The following NSF variants were observed in gnomAD, a reference collection of about 807,000 sequenced individuals.
The protein encoded by NSF is vesicle-fusing ATPase.
A neutral mutation model predicts 50.3 loss-of-function variants in NSF; 14 were observed. The ratio of observed to expected loss-of-function variants is 0.28; its 90% confidence interval spans 0.18 to 0.44. The LOEUF (loss-of-function observed/expected upper bound fraction) is 0.44. NSF is among the 20% of genes least tolerant of loss of function. The pLI is 1.00. For synonymous variants in NSF, 109 were observed against 175.7 expected (o/e 0.62, Z 3.00); for missense variants, 218 against 504.3 (o/e 0.43, Z 5.44).
chr17:46,728,426 T>C (rs1254771698), intron 16 of NSF, among the ~76,000 whole-genome samples: 1 of 151,998 alleles, frequency 6.6e-6, no homozygotes, highest in Non-Finnish European at 1.5e-5. Context: ...AGAAAAAACA[T>C]CTACATGAAC....
At chr17:46,667,546 A>G (rs2058346559) in intron 8 of NSF, among the ~76,000 whole-genome samples, 1 of 143,670 alleles carries the variant, frequency 7.0e-6, no homozygotes, top group South Asian at 2.1e-4. Flanking sequence ...AGTTTAAAGA[A>G]AACAAATGTT....
At chr17:46,748,594 A>T (rs1017602278) in intron 17 of NSF, among the ~76,000 whole-genome samples, 1 of 152,198 alleles carries the variant, frequency 6.6e-6, no homozygotes, top group Non-Finnish European at 1.5e-5. Context: ...GAAGGCTGGG[A>T]TACAGGGAAT....
Position 46,739,315 on chromosome 17 carries a change from G to A in NSF, c.1908+10381G>A, listed in dbSNP as rs958501798. On this transcript the variant is annotated intron_variant, in intron 17 of 20. Coordinates refer to ENST00000398238, the MANE Select transcript of NSF (RefSeq NM_006178.4). Reference sequence around the variant, plus strand: ...GAACCCAGGAGGTGGAGGTTGCAGCGAGCCGAGATCGCGCCACTGCACTCC... The same window carrying A: ...GAACCCAGGAGGTGGAGGTTGCAGCAAGCCGAGATCGCGCCACTGCACTCC... 6.2e-5 allele frequency among the ~76,000 whole-genome samples: 9 copies of A among 144,368 alleles called. No homozygotes were observed. The East Asian group carries it at 8.2e-4, about 13-fold the overall frequency. 94.7% of individuals were successfully genotyped at this position (144,368 alleles called of 152,430 possible). A position where few individuals can be genotyped will look rare whatever the true frequency, so the allele number is the denominator to read the frequency against.
chr17:46,595,346 A>T (rs2146090585), intron 1 of NSF, among the ~76,000 whole-genome samples: 1 of 67,006 alleles, frequency 1.5e-5, no homozygotes, highest in South Asian at 7.1e-4. Flanking sequence ...CAATACTTTT[A>T]TTTGTGCATA....
At chr17:46,732,892 G>T (rs2058964175) in intron 17 of NSF, among the ~76,000 whole-genome samples, 1 of 152,190 alleles carries the variant, frequency 6.6e-6, no homozygotes, top group African/African-American at 2.4e-5. Flanking sequence ...AGCTAAGAAA[G>T]CTCCCAGCCT....
intron 19 of NSF, among the ~76,000 whole-genome samples, chr17:46,752,860 G>A (rs2059195063): frequency 6.6e-6 from 1 of 152,014 alleles, no homozygotes; most frequent in Non-Finnish European, 1.5e-5. Context: ...TCCACCTCCC[G>A]GGTTCAAGGG....
At chr17:46,722,455 G>A (rs746648595) in intron 15 of NSF, among the ~76,000 whole-genome samples, 5 of 152,060 alleles carry the variant, frequency 3.3e-5, no homozygotes, top group African/African-American at 9.7e-5. Flanking sequence ...TACTTTTCTC[G>A]CATCTTTCTT....
chr17:46,727,337 A>T (rs930243717), intron 16 of NSF, among the ~76,000 whole-genome samples: 1 of 152,208 alleles, frequency 6.6e-6, no homozygotes, highest in African/African-American at 2.4e-5. Flanking sequence ...GTAAAATTAA[A>T]TCAGTCTGAC....
At chr17:46,728,731 A>C (rs1454618861) in intron 16 of NSF, 124 bp from the exon 17 acceptor site, 1 of 535,136 alleles carries the variant, frequency 1.9e-6, no homozygotes, top group East Asian at 3.1e-5. Flanking sequence ...TTCTTATTCT[A>C]TACATATTCT....
intron 17 of NSF, among the ~76,000 whole-genome samples, chr17:46,746,894 C>G (rs1162977371): frequency 6.6e-6 from 1 of 152,054 alleles, no homozygotes; most frequent in East Asian, 1.9e-4. Context: ...TGGAGAGGTG[C>G]CATACTACAA....
chr17:46,745,866 C>T (rs1281289535), intron 17 of NSF, among the ~76,000 whole-genome samples: 3 of 152,084 alleles, frequency 2.0e-5, no homozygotes, highest in East Asian at 3.9e-4. Flanking sequence ...TGTCTTTACT[C>T]GATTGTAATT....
intron 19 of NSF, 39 bp downstream of exon 19, chr17:46,751,655 A>G (rs368783747): frequency 3.0e-6 from 4 of 1,332,790 alleles, no homozygotes; most frequent in South Asian, 1.2e-5. Flanking sequence ...AGACAGAACA[A>G]AGCTTCAGGA....
rs2059231319 is a variant in NSF at position 46,756,129 on chromosome 17, G to A, written c.*306G>A. 2 of 282,666 alleles carry A rather than the reference G, an allele frequency of 7.1e-6. No individual in the cohort carries two copies. The highest frequency in any genetic ancestry group is 1.1e-4 in the East Asian group (2 of 17,436). 17.5% of individuals were successfully genotyped at this position (282,666 alleles called of 1,614,324 possible). A position where few individuals can be genotyped will look rare whatever the true frequency, so the allele number is the denominator to read the frequency against. On this transcript the variant is annotated 3_prime_UTR_variant, in exon 21 of 21. Coordinates refer to ENST00000398238, the MANE Select transcript of NSF (RefSeq NM_006178.4). ...CATCCAGTACTTGTGGACACTACAC[G>A]TTTCAACCTCTCTACTAGCACCATC...
chr17:46,710,575 C>T (rs139372847), intron 13 of NSF, among the ~76,000 whole-genome samples: 18 of 152,298 alleles, frequency 1.2e-4, no homozygotes, highest in Admixed American at 6.5e-4. Flanking sequence ...GTTAAGGTAG[C>T]ATATTTGTCT....
intron 17 of NSF, among the ~76,000 whole-genome samples, chr17:46,733,658 A>G (rs919293614): frequency 2.0e-5 from 3 of 152,194 alleles, no homozygotes; most frequent in Admixed American, 2.0e-4. Context: ...GGCCACTCAC[A>G]ACTGGCCAGG....
chr17:46,755,377 C>A lies in NSF; in HGVS notation c.2213+8C>A. Reference sequence around the variant, plus strand: ...CTTAAGAGAAGAAGGAGCGTAAGTACATACAACATTTAATGACCATCAACC... The same window carrying A: ...CTTAAGAGAAGAAGGAGCGTAAGTAAATACAACATTTAATGACCATCAACC... On this transcript the variant is annotated splice_region_variant and intron_variant, in intron 20 of 20. Transcript: ENST00000398238. The A allele has an allele frequency of 6.2e-7, 1 of 1,609,824 alleles. No individual in the cohort carries two copies. The highest frequency in any genetic ancestry group is 8.5e-7 in the Non-Finnish European group (1 of 1,176,044).
intron 7 of NSF, among the ~76,000 whole-genome samples, chr17:46,642,318 T>C: frequency 9.1e-6 from 1 of 110,260 alleles, no homozygotes; most frequent in Middle Eastern, 4.0e-3. Flanking sequence ...ATTTAGCATT[T>C]CTTAGGATAA....
chr17:46,745,099 G>C (rs1367469996), intron 17 of NSF, among the ~76,000 whole-genome samples: 1 of 151,964 alleles, frequency 6.6e-6, no homozygotes, highest in Admixed American at 6.6e-5. Flanking sequence ...ATTAAGACTG[G>C]TGGCCACACA....
At chr17:46,737,103 A>G (rs2059013851) in intron 17 of NSF, among the ~76,000 whole-genome samples, 1 of 152,204 alleles carries the variant, frequency 6.6e-6, no homozygotes, top group South Asian at 2.1e-4. Context: ...CATTTAAGAA[A>G]TCCTTCTCAG....
Sources: gnomAD v4.1 joint callset for allele counts (sites outside exome capture counted in the v4.1 genomes callset) on GRCh38, gnomAD v4.1.1 for gene constraint, MANE v1.5 for transcripts, NCBI Gene and HGNC (gene_info 2026-07-23, HGNC 2026-07-21) for gene names.